PDE4D: variants seen among roughly 807,000 people sequenced by gnomAD.
PDE4D encodes phosphodiesterase 4D.
A neutral mutation model predicts 87.4 loss-of-function variants in PDE4D; 24 were observed. The ratio of observed to expected loss-of-function variants is 0.27; its 90% CI spans 0.20 to 0.39. The LOEUF (loss-of-function observed/expected upper bound fraction) is 0.39. Among genes scored for constraint, PDE4D ranks in the 10% least tolerant of loss-of-function variants. The pLI, the probability that PDE4D is intolerant of heterozygous loss-of-function variation, is 1.00. For missense variants in PDE4D, 714 were observed against 1,041.0 expected, an observed-to-expected ratio of 0.69 and a Z score of 4.32; for synonymous variants, 384 against 383.2, an observed-to-expected ratio of 1.00 and a Z score of -0.02.
intron 1 of PDE4D, among the ~76,000 whole-genome samples, chr5:59,371,284 C>T (rs1783892285): frequency 6.6e-6 from 1 of 152,118 alleles, no homozygotes; most frequent in Non-Finnish European, 1.5e-5. Context: ...TGAAAACTTA[C>T]CAAGTTTCTC....
At chr5:59,778,785 C>T (rs1315433783) in intron 1 of PDE4D, among the ~76,000 whole-genome samples, 1 of 152,134 alleles carries the variant, frequency 6.6e-6, no homozygotes, top group Non-Finnish European at 1.5e-5. Flanking sequence ...ATTTTTTATG[C>T]TTTTAGATAG....
chr5:59,645,945 GT>G (rs1433343764), intron 1 of PDE4D, among the ~76,000 whole-genome samples: 1 of 152,122 alleles, frequency 6.6e-6, no homozygotes, highest in Non-Finnish European at 1.5e-5. Context: ...GCATTATCTT[GT>G]TATTCTCAAC....
At chr5:60,252,059 T>C (rs1562260270) in intron 1 of PDE4D, among the ~76,000 whole-genome samples, 2 of 151,942 alleles carry the variant, frequency 1.3e-5, no homozygotes, top group Non-Finnish European at 2.9e-5. Context: ...GCTGTACAGG[T>C]TTGTAGTCTA....
At chr5:59,079,666 T>TTAATAATAATAATAATAATAATAA (rs148255590) in intron 5 of PDE4D, among the ~76,000 whole-genome samples, 120 of 146,198 alleles carry the variant, frequency 8.2e-4, no homozygotes, top group Non-Finnish European at 1.2e-3. Flanking sequence ...CTCTACAAAA[T>TTAATAATAATAATAATAATAATAA]TAATAATAAT....
At chr5:60,305,503 A>G (rs969936193) in intron 1 of PDE4D, among the ~76,000 whole-genome samples, 1 of 152,040 alleles carries the variant, frequency 6.6e-6, no homozygotes, top group East Asian at 1.9e-4. Flanking sequence ...CCTAGAGGAG[A>G]GTCCAGAGAA....
chr5:59,899,243 G>C (rs75939252), intron 3 of PDE4D, among the ~76,000 whole-genome samples: 1 of 152,016 alleles, frequency 6.6e-6, no homozygotes, highest in Non-Finnish European at 1.5e-5. Flanking sequence ...GTTGAGAATA[G>C]CCCGTTGGAC....
At chr5:59,012,597 A>G (rs1429391616) in intron 6 of PDE4D, among the ~76,000 whole-genome samples, 1 of 152,250 alleles carries the variant, frequency 6.6e-6, no homozygotes, top group East Asian at 1.9e-4. Flanking sequence ...CAACAAGAAG[A>G]GCTAACTATC....
intron 1 of PDE4D, among the ~76,000 whole-genome samples, chr5:59,565,298 C>T (rs764864709): frequency 6.6e-6 from 1 of 152,020 alleles, no homozygotes; most frequent in Non-Finnish European, 1.5e-5. Context: ...CCAGGAGGAT[C>T]GCTTGAGCCC....
chr5:60,287,723 G>A (rs934079327), intron 1 of PDE4D, among the ~76,000 whole-genome samples: 4 of 152,094 alleles, frequency 2.6e-5, no homozygotes, highest in African/African-American at 9.7e-5. Context: ...TACTTTCCCT[G>A]CTTTCTCTGG....
chr5:59,590,262 G>A (rs1191595039), intron 1 of PDE4D, among the ~76,000 whole-genome samples: 8 of 152,088 alleles, frequency 5.3e-5, no homozygotes, highest in African/African-American at 1.9e-4. Context: ...CAACAGTTAG[G>A]CAGAACTAAT....
At chr5:59,234,340 C>A (rs1321568322) in intron 1 of PDE4D, among the ~76,000 whole-genome samples, 1 of 152,060 alleles carries the variant, frequency 6.6e-6, no homozygotes, top group Non-Finnish European at 1.5e-5. Flanking sequence ...TTATTTCCCA[C>A]TTATCCTCTT....
intron 3 of PDE4D, among the ~76,000 whole-genome samples, chr5:59,979,162 A>C (rs1761649388): frequency 6.6e-6 from 1 of 152,126 alleles, no homozygotes; most frequent in South Asian, 2.1e-4. Flanking sequence ...GAATTAAATA[A>C]TGTTGGAGAA....
intron 3 of PDE4D, among the ~76,000 whole-genome samples, chr5:59,945,472 G>A (rs144039557): frequency 8.5e-5 from 13 of 152,270 alleles, no homozygotes; most frequent in Non-Finnish European, 1.6e-4. Flanking sequence ...AGAGAGGTAG[G>A]ATTCAATGAA....
At chr5:59,994,730 T>C (rs961013501) in intron 2 of PDE4D, among the ~76,000 whole-genome samples, 1 of 152,170 alleles carries the variant, frequency 6.6e-6, no homozygotes, top group African/African-American at 2.4e-5. Flanking sequence ...AAACACTTAA[T>C]TTGGGGTACA....
chr5:59,340,145 C>T (rs1004003756), intron 1 of PDE4D, among the ~76,000 whole-genome samples: 1 of 152,032 alleles, frequency 6.6e-6, no homozygotes, highest in African/African-American at 2.4e-5. Context: ...TCCCTAGAAA[C>T]AAGCACAGAG....
chr5:60,221,914 A>G (rs1046733678), intron 1 of PDE4D, among the ~76,000 whole-genome samples: 1 of 152,040 alleles, frequency 6.6e-6, no homozygotes, highest in Non-Finnish European at 1.5e-5. Flanking sequence ...TTCTTGTACA[A>G]GGTTTTGAGG....
At chr5:59,807,298 A>G (rs1767850300) in intron 1 of PDE4D, among the ~76,000 whole-genome samples, 2 of 152,192 alleles carry the variant, frequency 1.3e-5, no homozygotes, top group African/African-American at 2.4e-5. Context: ...CAGAGCCCCA[A>G]ACCAATGTAC....
intron 5 of PDE4D, among the ~76,000 whole-genome samples, chr5:59,117,031 A>G (rs539945915): frequency 6.6e-6 from 1 of 152,234 alleles, no homozygotes; most frequent in Non-Finnish European, 1.5e-5. Context: ...CAATAAAAAT[A>G]CTTTATAGTA....
chr5:59,427,159 G>C (rs911496232), intron 1 of PDE4D, among the ~76,000 whole-genome samples: 3 of 151,834 alleles, frequency 2.0e-5, no homozygotes, highest in Non-Finnish European at 4.4e-5. Context: ...ACTTAAGCCA[G>C]TAATCTAAAG....
Sources: gnomAD v4.1 joint callset for allele counts (sites outside exome capture counted in the v4.1 genomes callset) on GRCh38, gnomAD v4.1.1 for gene constraint, MANE v1.5 for transcripts, NCBI Gene and HGNC (gene_info 2026-07-23, HGNC 2026-07-21) for gene names.